Variants in MMP2 observed in about 807,000 individuals in gnomAD.
MMP2 encodes the protein matrix metallopeptidase 2, also known as 72 kDa type IV collagenase.
MMP2 carries 39 observed loss-of-function variants against 74.8 expected under a neutral mutation model. The observed-to-expected ratio is 0.52, with a 90% CI of 0.40 to 0.68. The LOEUF is 0.68. MMP2 is among the 30% of genes least tolerant of loss of function. The pLI is 0.00. For missense variants in MMP2, 803 were observed against 878.3 expected, an observed-to-expected ratio of 0.91 and a Z score of 1.08; for synonymous variants, 367 against 339.8, an observed-to-expected ratio of 1.08 and a Z score of -0.88.
intron 9 of MMP2, among the ~76,000 whole-genome samples, chr16:55,494,289 G>A (rs1405214795): frequency 2.6e-5 from 4 of 152,114 alleles, no homozygotes; most frequent in African/African-American, 9.7e-5. Flanking sequence ...TTGTACCTTG[G>A]TTTCCTCATT....
intron 7 of MMP2, among the ~76,000 whole-genome samples, chr16:55,491,089 A>G (rs12919779): frequency 0.35 from 51,102 of 146,182 alleles, 9,970 homozygotes; most frequent in Non-Finnish European, 0.44. Flanking sequence ...TTTTTTTGAG[A>G]CGGAGTCTTG....
chr16:55,489,212 T>A (rs774796748), intron 6 of MMP2, among the ~76,000 whole-genome samples: 1 of 152,228 alleles, frequency 6.6e-6, no homozygotes, highest in African/African-American at 2.4e-5. Context: ...GAGCGCCTGC[T>A]TTGTGCAGCA....
chr16:55,486,337 G>GCC (rs1962250679), intron 5 of MMP2, among the ~76,000 whole-genome samples: 3 of 122,084 alleles, frequency 2.5e-5, no homozygotes, highest in Non-Finnish European at 3.5e-5. Flanking sequence ...GTGTGTGTGT[G>GCC]TGTGTGTGCC....
chr16:55,486,283 A>G (rs1274273043), intron 5 of MMP2, among the ~76,000 whole-genome samples: 1 of 149,834 alleles, frequency 6.7e-6, no homozygotes, highest in Non-Finnish European at 1.5e-5. Flanking sequence ...AATTTCAGCT[A>G]TTGCTCCTGC....
chr16:55,502,734 C>G, intron 11 of MMP2, 45 bp from the exon 12 acceptor site: 1 of 1,554,722 alleles, frequency 6.4e-7, no homozygotes, highest in Non-Finnish European at 8.9e-7. Context: ...GGGGAAGTGT[C>G]CTTTAGAGAG....
At chr16:55,479,945 G>A (rs1487126432) in intron 1 of MMP2, 4 of 266,650 alleles carry the variant, frequency 1.5e-5, no homozygotes, top group Non-Finnish European at 2.8e-5. Flanking sequence ...TATGTAAATA[G>A]CGGGGACATC....
intron 5 of MMP2, chr16:55,487,874 T>G (rs1596813783): frequency 6.6e-6 from 1 of 152,430 alleles, no homozygotes; most frequent in African/African-American, 2.4e-5. Context: ...TCCCTCCTCC[T>G]CTTCATTCTT....
intron 9 of MMP2, among the ~76,000 whole-genome samples, chr16:55,495,560 T>G (rs1237614417): frequency 2.0e-5 from 3 of 152,206 alleles, no homozygotes; most frequent in Non-Finnish European, 2.9e-5. Context: ...ACTAATTTAT[T>G]TAGTCATTGA....
At position 55,493,172 on chromosome 16, in the gene MMP2, A is replaced by G; in HGVS notation, c.1351A>G (p.Ile451Val). Residue 451 changes from isoleucine (I) to valine (V), a missense_variant, in exon 9 of 13, where the codon ATT (isoleucine) becomes GTT (valine). By Grantham distance (29) the Ile-to-Val change is conservative (BLOSUM62 3). Coordinates refer to ENST00000219070, the MANE Select transcript of MMP2 (RefSeq NM_004530.6). The part of the protein sequence containing the change: ...IQELYGASPD[I>V]DLGTGPTPTL... ...GTTCTCCCCAGGGGCCTCTCCTGAC[A>G]TTGACCTTGGCACCGGCCCCACCCC... is the stretch of plus-strand genomic sequence containing the variant. The G allele has an allele frequency of 6.2e-7, 1 of 1,613,994 alleles. No homozygotes were observed. Among genetic ancestry groups the G allele is most frequent in the East Asian group, 2.2e-5 (1 of 44,870 alleles).
At chr16:55,486,167 G>T (rs1962242837) in intron 5 of MMP2, among the ~76,000 whole-genome samples, 1 of 152,112 alleles carries the variant, frequency 6.6e-6, no homozygotes, top group Admixed American at 6.5e-5. Context: ...GATACTTCAA[G>T]GGCATGAGGA....
chr16:55,485,582 C>T (rs1355155981), intron 4 of MMP2, 22 bp from the exon 5 acceptor site: 6 of 1,614,002 alleles, frequency 3.7e-6, no homozygotes, highest in Admixed American at 3.3e-5. Flanking sequence ...GTCCAACCTC[C>T]CCCTTCCATG....
chr16:55,491,769 T>G, intron 7 of MMP2, 32 bp from the exon 8 acceptor site: 2 of 1,613,978 alleles, frequency 1.2e-6, no homozygotes, highest in African/African-American at 2.7e-5. Flanking sequence ...TCTTCCTGTC[T>G]TTCAACCCTC....
At chr16:55,502,080 G>A (rs565250433) in intron 11 of MMP2, among the ~76,000 whole-genome samples, 1 of 152,312 alleles carries the variant, frequency 6.6e-6, no homozygotes, top group East Asian at 1.9e-4. Flanking sequence ...TGCTGCCGCC[G>A]GAACTGAGGT....
At chr16:55,482,822 T>TG in intron 1 of MMP2, 87 bp from the exon 2 acceptor site, 2 of 1,133,436 alleles carry the variant, frequency 1.8e-6, no homozygotes, top group Non-Finnish European at 1.3e-6. Flanking sequence ...GGCACTGGGT[T>TG]GGGGGGCTGA....
chr16:55,499,988 G>A (rs1348012757), intron 11 of MMP2, among the ~76,000 whole-genome samples: 2 of 151,926 alleles, frequency 1.3e-5, no homozygotes, highest in Non-Finnish European at 2.9e-5. Flanking sequence ...ACTTCCTAAG[G>A]CCTCTGTCTT....
intron 5 of MMP2, chr16:55,488,084 C>T: frequency 4.5e-6 from 1 of 222,266 alleles, no homozygotes; most frequent in Non-Finnish European, 9.0e-6. Context: ...ATTTCTGTGA[C>T]CATGAGCAGT....
At chr16:55,502,611 G>T (rs1342893107) in intron 11 of MMP2, among the ~76,000 whole-genome samples, 168 bp from the exon 12 acceptor site, 3 of 151,928 alleles carry the variant, frequency 2.0e-5, no homozygotes, top group African/African-American at 7.3e-5. Context: ...TCAGACTCAG[G>T]TCTGATTCCA....
chr16:55,491,353 A>G (rs1422962019), intron 7 of MMP2, among the ~76,000 whole-genome samples: 1 of 152,168 alleles, frequency 6.6e-6, no homozygotes, highest in African/African-American at 2.4e-5. Flanking sequence ...TCACCTGGGC[A>G]GAAATGGTGG....
intron 5 of MMP2, chr16:55,486,783 C>T (rs1962272405): frequency 6.6e-6 from 1 of 152,112 alleles, no homozygotes; most frequent in Admixed American, 6.6e-5. Flanking sequence ...TCTTCTTTCC[C>T]ATGTCACAAA....
Sources: gnomAD v4.1 joint callset for allele counts (sites outside exome capture counted in the v4.1 genomes callset) on GRCh38, gnomAD v4.1.1 for gene constraint, MANE v1.5 for transcripts, NCBI Gene and HGNC (gene_info 2026-07-23, HGNC 2026-07-21) for gene names.